The following NLRP5 variants were observed in gnomAD, a reference collection of about 807,000 sequenced individuals.
The protein encoded by NLRP5 is NACHT, LRR and PYD domains-containing protein 5.
NLRP5 carries 93 observed loss-of-function variants against 113.1 expected under a neutral mutation model. That is an observed-to-expected ratio of 0.82 (90% CI 0.70 to 0.98). The LOEUF (loss-of-function observed/expected upper bound fraction) is 0.98. Ranked by LOEUF, NLRP5 falls within the 50% of genes least tolerant of loss-of-function variation. NLRP5 has a pLI of 0.00. For synonymous variants in NLRP5, 751 were observed against 600.7 expected, an observed-to-expected ratio of 1.25 and a Z score of -3.66; for missense variants, 1,808 against 1,514.3, an observed-to-expected ratio of 1.19 and a Z score of -3.22.
chr19:56,052,223 TGGTTTTGGTGG>T (rs1054218884), intron 12 of NLRP5, among the ~76,000 whole-genome samples: 6 of 151,946 alleles, frequency 3.9e-5, no homozygotes, highest in African/African-American at 1.4e-4. Context: ...GTGTTTTGTT[TGGTTTTGGTGG>T]GGTTTTGTTT....
At chr19:56,019,223 C>A in intron 4 of NLRP5, 119 bp from the exon 5 acceptor site, 1 of 1,124,864 alleles carries the variant, frequency 8.9e-7, no homozygotes, top group Non-Finnish European at 1.3e-6. Flanking sequence ...ACAGTGGTTG[C>A]CATGTTTTCA....
chr19:56,032,309 C>A (rs181736723), intron 7 of NLRP5, among the ~76,000 whole-genome samples: 35 of 151,044 alleles, frequency 2.3e-4, no homozygotes, highest in African/African-American at 8.0e-4. Context: ...TGCGCCACTG[C>A]GCTCCAGCCT....
chr19:56,060,325 G>C (rs1476559152), intron 14 of NLRP5, among the ~76,000 whole-genome samples: 2 of 152,130 alleles, frequency 1.3e-5, no homozygotes, highest in Non-Finnish European at 2.9e-5. Context: ...TATAAGCTTG[G>C]TAAGGGTGGG....
intron 11 of NLRP5, among the ~76,000 whole-genome samples, chr19:56,049,066 C>T (rs2123333701): frequency 6.8e-6 from 1 of 147,386 alleles, no homozygotes; most frequent in East Asian, 2.0e-4. Flanking sequence ...ACTGCAACCT[C>T]CGCCTCCTGG....
chr19:56,032,825 C>T lies in NLRP5; in HGVS notation c.2447+44C>T, dbSNP rs1158256620. 3 of 1,550,872 alleles carry T rather than the reference C, an allele frequency of 1.9e-6. No individual in the cohort carries two copies. The Admixed American group carries it at 5.2e-5, about 27-fold the overall frequency. On this transcript the variant is annotated intron_variant, in intron 8 of 14. Transcript: ENST00000390649. ...TACGAGAGAATCCCTTCCCATGACGCTATCCCAGCTCTCCCCTACCTCCTG... is the reference window on the plus strand; with the variant it reads ...TACGAGAGAATCCCTTCCCATGACGTTATCCCAGCTCTCCCCTACCTCCTG...
chr19:56,024,515 G>A (rs934870906), intron 6 of NLRP5, among the ~76,000 whole-genome samples: 13 of 50,506 alleles, frequency 2.6e-4, no homozygotes, highest in South Asian at 9.3e-4. Context: ...ATGTATATGT[G>A]TATGTATATG....
At chr19:56,005,304 TATATTTATATATACACAC>T (rs1016539406) in intron 2 of NLRP5, among the ~76,000 whole-genome samples, 11 of 146,606 alleles carry the variant, frequency 7.5e-5, no homozygotes, top group Admixed American at 2.8e-4. Flanking sequence ...TATACACATA[TATATTTATATATACACAC>T]ATATTTATAT....
At position 56,030,711 on chromosome 19, in the gene NLRP5, C is replaced by CTTTTTTTTTTTTTTT. The variant is rs1251579019; in HGVS notation, c.2277-1898_2277-1897insTTTTTTTTTTTTTTT. On this transcript the variant is annotated intron_variant, in intron 7 of 14. Transcript: ENST00000390649. The stretch of plus-strand genomic sequence containing the variant: ...TATACTTACATTCATTCGCTTTCTT[C>CTTTTTTTTTTTTTTT]TTCTTTTTTTTTTTTTTTTTTGAGA... Among the ~76,000 whole-genome samples, 198 of 47,710 alleles carry CTTTTTTTTTTTTTTT rather than the reference C, an allele frequency of 4.2e-3. 8 individuals are homozygous for CTTTTTTTTTTTTTTT. The highest frequency in any genetic ancestry group is 0.015 in the East Asian group (22 of 1,456). The allele number at this position is 47,710 out of a possible 152,430, so 31.3% of individuals were successfully genotyped here. A position where few individuals can be genotyped will look rare whatever the true frequency, so the allele number is the denominator to read the frequency against.
intron 13 of NLRP5, among the ~76,000 whole-genome samples, chr19:56,056,646 G>A (rs544332653): frequency 2.6e-5 from 4 of 152,276 alleles, no homozygotes; most frequent in South Asian, 2.1e-4. Flanking sequence ...ACAATCATCC[G>A]TGTGCAGCAC....
chr19:56,042,681 A>G (rs540744435), intron 11 of NLRP5, among the ~76,000 whole-genome samples: 2 of 152,196 alleles, frequency 1.3e-5, no homozygotes, highest in East Asian at 3.9e-4. Flanking sequence ...GATTTGTGAT[A>G]TTTTGGTGCA....
At chr19:55,999,005 A>G (rs993730435), upstream of NLRP5, among the ~76,000 whole-genome samples, 1 of 151,644 alleles carries the variant, frequency 6.6e-6, no homozygotes, top group African/African-American at 2.4e-5. Flanking sequence ...ATACATCATT[A>G]TTAACTCTAG....
chr19:56,003,845 G>T lies in NLRP5; in HGVS notation c.192G>T (p.Gly64=). 3.1e-6 allele frequency: 5 copies of T among 1,613,934 alleles called. No individual in the cohort carries two copies. The highest frequency in any genetic ancestry group is 4.2e-6 in the Non-Finnish European group (5 of 1,179,896). ...AATCGCTCACCTTTTCCAGCTACGGGCTGCAATGGTGTCTCTATGAGCTAG... is the reference window on the plus strand; with the variant it reads ...AATCGCTCACCTTTTCCAGCTACGGTCTGCAATGGTGTCTCTATGAGCTAG... Residue 64 remains glycine, a synonymous_variant, in exon 2 of 15, where the codon GGG becomes GGT. Transcript: ENST00000390649.
At chr19:56,012,061 A>G (rs899449550) in intron 3 of NLRP5, among the ~76,000 whole-genome samples, 1 of 152,166 alleles carries the variant, frequency 6.6e-6, no homozygotes, top group Non-Finnish European at 1.5e-5. Context: ...TTAGTCTAAT[A>G]GATTGAATGT....
At position 56,032,762 on chromosome 19, in the gene NLRP5, T is replaced by G; in HGVS notation, c.2428T>G (p.Cys810Gly). The G allele has an allele frequency of 6.2e-7, 1 of 1,611,446 alleles. No individual in the cohort carries two copies. The highest frequency in any genetic ancestry group is 8.5e-7 in the Non-Finnish European group (1 of 1,179,326). Reference sequence around the variant, plus strand: ...GTGTGCCAAGCTGAGGCATCCCACCTGCAAGATACAGACCCTGATGTAAGG... The same window carrying G: ...GTGTGCCAAGCTGAGGCATCCCACCGGCAAGATACAGACCCTGATGTAAGG... Residue 810 changes from cysteine (C) to glycine (G), a missense_variant, in exon 8 of 15, where the codon TGC (cysteine) becomes GGC (glycine). Transcript: ENST00000390649.
chr19:56,043,896 C>A (rs565416693), intron 11 of NLRP5, among the ~76,000 whole-genome samples: 4 of 151,366 alleles, frequency 2.6e-5, no homozygotes, highest in Non-Finnish European at 4.4e-5. Flanking sequence ...TATTCTTTTG[C>A]TGTGCAAAAG....
Position 56,003,721 on chromosome 19 carries a change from T to A in NLRP5, c.68T>A (p.Val23Asp), listed in dbSNP as rs753824534. 8 of 1,592,256 alleles carry A rather than the reference T, an allele frequency of 5.0e-6. No homozygotes were observed. The highest frequency in any genetic ancestry group is 1.4e-5 in the African/African-American group (1 of 73,768). Residue 23 changes from valine (V) to aspartate (D), a missense_variant, in exon 2 of 15, where the codon GTC becomes GAC. Transcript: ENST00000390649. The stretch of plus-strand genomic sequence containing the variant: ...CTGCAAGATCCTCTTTTAAGTCTTG[T>A]CACTCTTTCCACAGGTCCTACTTGC...
At chr19:56,052,305 G>T (rs960924907) in intron 12 of NLRP5, among the ~76,000 whole-genome samples, 4 of 151,944 alleles carry the variant, frequency 2.6e-5, no homozygotes, top group Non-Finnish European at 5.9e-5. Flanking sequence ...GTTCTTTCTT[G>T]TTGCCCAGGC....
rs1983170862 is a variant in NLRP5, at chr19:56,032,743, C to G, written c.2409C>G (p.Ala803=). The stretch of plus-strand genomic sequence containing the variant: ...AGCGGGCCATGAAGACCCTGTGTGC[C>G]AAGCTGAGGCATCCCACCTGCAAGA... Residue 803 remains alanine, a synonymous_variant, in exon 8 of 15, where the codon GCC becomes GCG. Transcript: ENST00000390649. 6.2e-7 allele frequency: 1 copy of G among 1,612,204 alleles called. No individual in the cohort carries two copies. Among genetic ancestry groups the G allele is most frequent in the African/African-American group, 1.3e-5 (1 of 74,850 alleles).
In NLRP5 at chr19:56,047,431, T is replaced by G. The variant is rs1399831512; in HGVS notation, c.2958-2987T>G. On this transcript the variant is annotated intron_variant, in intron 11 of 14. Transcript: ENST00000390649. The stretch of plus-strand genomic sequence containing the variant: ...GTATCCCAGAGGTTTTGATAGATTG[T>G]GTCATTGTTGTTCAGTCTGAAGAAT... 2.0e-5 allele frequency among the ~76,000 whole-genome samples: 3 copies of G among 150,048 alleles called. No homozygotes were observed. The Admixed American group carries it at 2.0e-4, about 10-fold the overall frequency.
Sources: gnomAD v4.1 joint callset for allele counts (sites outside exome capture counted in the v4.1 genomes callset) on GRCh38, gnomAD v4.1.1 for gene constraint, MANE v1.5 for transcripts, NCBI Gene and HGNC (gene_info 2026-07-23, HGNC 2026-07-21) for gene names.